Variants in DNM2 observed in about 807,000 individuals in gnomAD.
DNM2 encodes dynamin 2.
DNM2 carries 15 observed loss-of-function variants against 99.0 expected under a neutral mutation model. The ratio of observed to expected loss-of-function variants is 0.15; its 90% confidence interval spans 0.10 to 0.23. The LOEUF (loss-of-function observed/expected upper bound fraction) is 0.23, where lower values mean the gene tolerates loss of function less well. Among genes scored for constraint, DNM2 ranks in the 10% least tolerant of loss-of-function variants. The pLI, the probability that DNM2 is intolerant of heterozygous loss-of-function variation, is 1.00. For synonymous variants in DNM2, 525 were observed against 481.2 expected (o/e 1.09, Z -1.19); for missense variants, 742 against 1,189.4 (o/e 0.62, Z 5.53).
intron 2 of DNM2, among the ~76,000 whole-genome samples, chr19:10,760,737 C>T (rs566987742): frequency 1.8e-4 from 27 of 150,620 alleles, no homozygotes; most frequent in African/African-American, 4.9e-4. Context: ...TAGCTCACTG[C>T]GGCCTCGACC....
chr19:10,750,476 C>T (rs1209795148), intron 1 of DNM2, among the ~76,000 whole-genome samples: 1 of 151,014 alleles, frequency 6.6e-6, no homozygotes, highest in African/African-American at 2.4e-5. Context: ...AAGATGCCAT[C>T]TCTAAAAAAA....
Position 10,772,672 on chromosome 19 carries a change from G to A in DNM2, c.385+44G>A, listed in dbSNP as rs758339573. On this transcript the variant is annotated intron_variant, in intron 3 of 20. Coordinates refer to ENST00000389253, the MANE Select transcript of DNM2 (RefSeq NM_001005361.3). This position sits in a 1 kb window ranked among gnomAD's most constrained non-coding sequence, Gnocchi z 4.9. ...GACCCATCACTGACCGTTTCTGGTC[G>A]TTCATGGACAGTGCTATGGGTGAGC... The A allele has an allele frequency of 6.7e-5, 108 of 1,612,554 alleles. No individual in the cohort carries two copies. The highest frequency in any genetic ancestry group is 1.8e-4 in the East Asian group (8 of 44,872).
intron 7 of DNM2, among the ~76,000 whole-genome samples, chr19:10,792,813 G>A (rs962416519): frequency 2.0e-5 from 3 of 152,034 alleles, no homozygotes; most frequent in Non-Finnish European, 4.4e-5. Context: ...TCGCCATGTT[G>A]TCCAGGCTAA....
intron 2 of DNM2, among the ~76,000 whole-genome samples, chr19:10,762,061 G>A (rs1444121463): frequency 1.3e-5 from 2 of 152,146 alleles, no homozygotes; most frequent in South Asian, 2.1e-4. Context: ...TTTATTTTGA[G>A]ACGGAGTCTC....
At chr19:10,766,640 A>T (rs923962254) in intron 2 of DNM2, among the ~76,000 whole-genome samples, 1 of 151,898 alleles carries the variant, frequency 6.6e-6, no homozygotes, top group African/African-American at 2.4e-5. Flanking sequence ...GATCACACCA[A>T]GTCTCTGCTC....
At chr19:10,746,279 C>T (rs1031243435) in intron 1 of DNM2, among the ~76,000 whole-genome samples, 2 of 151,164 alleles carry the variant, frequency 1.3e-5, no homozygotes, top group African/African-American at 2.4e-5. Context: ...GTTTCTTGAC[C>T]ACCAATGTGG....
At position 10,818,682 on chromosome 19, in the gene DNM2, T is replaced by G. The variant is rs925168777; in HGVS notation, c.1672-1298T>G. On this transcript the variant is annotated intron_variant, in intron 15 of 20. Coordinates refer to ENST00000389253, the MANE Select transcript of DNM2 (RefSeq NM_001005361.3). This position sits in a 1 kb window ranked among gnomAD's most constrained non-coding sequence, Gnocchi z 4.3. Reference sequence around the variant, plus strand: ...ACAGTCACTGTGGCTGCTCCTGAACTTGGAGGCGGCAGCCAGGTTAGGCTT... The same window carrying G: ...ACAGTCACTGTGGCTGCTCCTGAACGTGGAGGCGGCAGCCAGGTTAGGCTT... Among the ~76,000 whole-genome samples the G allele has an allele frequency of 7.2e-5, 11 of 152,188 alleles. No homozygotes were observed. The highest frequency in any genetic ancestry group is 2.9e-5 in the Non-Finnish European group (2 of 68,034).
At chr19:10,740,089 T>A (rs1268488508) in intron 1 of DNM2, among the ~76,000 whole-genome samples, 1 of 152,100 alleles carries the variant, frequency 6.6e-6, no homozygotes, top group Non-Finnish European at 1.5e-5. Flanking sequence ...TCATCTTTTT[T>A]ATTTCTGAAA....
At chr19:10,802,234 C>G (rs2072176691) in intron 11 of DNM2, 54 bp from the exon 12 acceptor site, 1 of 1,581,706 alleles carries the variant, frequency 6.3e-7, no homozygotes, top group Non-Finnish European at 8.7e-7. Context: ...CTTGCCGCTG[C>G]CCCCCCTTGC....
rs1447169627 is a variant in DNM2, at chr19:10,759,754, G to A, written c.178G>A (p.Gly60Ser). The change falls in exon 2 of 21, where the codon GGT becomes AGT. Residue 60 changes from glycine (G) to serine (S), a missense_variant. This residue lies in a region of DNM2 where 192 missense variants were observed against 358.9 expected (regional missense o/e 0.54). Transcript: ENST00000389253. Reference sequence around the variant, plus strand: ...CCCTCACAGGGACTTCCTTCCCCGCGGTTCAGGAATCGTCACCCGGCGGCC... The same window carrying A: ...CCCTCACAGGGACTTCCTTCCCCGCAGTTCAGGAATCGTCACCCGGCGGCC... The part of the protein sequence containing the change: ...NFVGRDFLPR[G>S]SGIVTRRPLI... 4 of 1,614,100 alleles carry A rather than the reference G, an allele frequency of 2.5e-6. No individual in the cohort carries two copies. The highest frequency in any genetic ancestry group is 1.1e-5 in the South Asian group (1 of 91,078).
At chr19:10,744,977 G>A (rs560874251) in intron 1 of DNM2, among the ~76,000 whole-genome samples, 72 of 152,254 alleles carry the variant, frequency 4.7e-4, no homozygotes. Context: ...TCTCAGTACT[G>A]CTGAAAGTTA....
intron 1 of DNM2, among the ~76,000 whole-genome samples, chr19:10,739,292 A>G (rs1468771394): frequency 2.0e-5 from 3 of 152,238 alleles, no homozygotes; most frequent in East Asian, 1.9e-4. Context: ...TTCACATACC[A>G]TAATACCTAA....
intron 13 of DNM2, among the ~76,000 whole-genome samples, chr19:10,807,348 C>A (rs141471458): frequency 0.025 from 3,854 of 152,066 alleles, 144 homozygotes; most frequent in African/African-American, 0.087. Context: ...TCAAGCAATT[C>A]TCTGCCTCAG....
chr19:10,794,096 A>G lies in DNM2; in HGVS notation c.1128+241A>G, dbSNP rs56274124. 3.3e-3 allele frequency among the ~76,000 whole-genome samples: 506 copies of G among 152,360 alleles called. 1 individual carries two copies. Among genetic ancestry groups the G allele is most frequent in the Non-Finnish European group, 4.5e-3 (308 of 68,038 alleles). On this transcript the variant is annotated intron_variant, in intron 8 of 20. Transcript: ENST00000389253. ...TGTTTTTCCTCTGACAAAAGCCAAT[A>G]TACATTCTTTGCAAAATACATAGAA... is the stretch of plus-strand genomic sequence containing the variant.
At chr19:10,741,765 A>G (rs1442338124) in intron 1 of DNM2, among the ~76,000 whole-genome samples, 1 of 150,748 alleles carries the variant, frequency 6.6e-6, no homozygotes, top group Non-Finnish European at 1.5e-5. Flanking sequence ...GTTAGCCAGG[A>G]TGGTCTCTAT....
chr19:10,731,495 G>A (rs1361125735), intron 1 of DNM2, among the ~76,000 whole-genome samples: 3 of 152,032 alleles, frequency 2.0e-5, no homozygotes, highest in Non-Finnish European at 2.9e-5. Flanking sequence ...TGGGATTACA[G>A]GTGTGCACCA....
Position 10,829,137 on chromosome 19 carries a change from C to T in DNM2, c.2160C>T (p.Asp720=), listed in dbSNP as rs117598326. ...CGGCTGACCAGGCACAGCGGCGGGA[C>T]GACATGCTGCGCATGTACCATGCCC... The part of the protein sequence containing the change: ...EESADQAQRR[D]DMLRMYHALK... The change falls in exon 19 of 21, where the codon GAC becomes GAT. Residue 720 remains aspartate (D), a synonymous_variant. Coordinates refer to ENST00000389253, the MANE Select transcript of DNM2 (RefSeq NM_001005361.3). The T allele has an allele frequency of 1.5e-3, 2,413 of 1,613,804 alleles. 13 individuals are homozygous for T. The East Asian group carries it at 0.017, about 11-fold the overall frequency.
chr19:10,784,790 C>G (rs1391421084), intron 6 of DNM2, among the ~76,000 whole-genome samples: 1 of 145,764 alleles, frequency 6.9e-6, no homozygotes, highest in East Asian at 2.0e-4. Flanking sequence ...TCGCCAGACA[C>G]TTTGTATTTA....
chr19:10,823,507 T>C (rs1382560393), intron 16 of DNM2: 3 of 429,106 alleles, frequency 7.0e-6, no homozygotes, highest in East Asian at 4.5e-5. Flanking sequence ...CCAGCCACAG[T>C]TGGTGTCGAG....
Sources: allele counts gnomAD v4.1 joint callset (sites outside exome capture counted in the v4.1 genomes callset), GRCh38; gene constraint gnomAD v4.1.1; regional missense constraint gnomAD v4.1.1; non-coding constraint Gnocchi (gnomAD v3.1); transcripts MANE v1.5; gene names NCBI Gene and HGNC (gene_info 2026-07-23, HGNC 2026-07-21).